SPAG16: variants seen among roughly 807,000 people sequenced by gnomAD.
The protein encoded by SPAG16 is sperm-associated antigen 16 protein.
Under a neutral mutation model 80.4 loss-of-function variants are expected in SPAG16, and 86 were observed. The ratio of observed to expected loss-of-function variants is 1.07; its 90% CI spans 0.90 to 1.28. SPAG16 has a LOEUF of 1.28. SPAG16 is among the 50% of genes most tolerant of loss of function. SPAG16 has a pLI of 0.00. For missense variants in SPAG16, 870 were observed against 765.3 expected, an observed-to-expected ratio of 1.14 and a Z score of -1.61; for synonymous variants, 294 against 265.9, an observed-to-expected ratio of 1.11 and a Z score of -1.03.
chr2:213,794,646 T>C (rs935485551), intron 10 of SPAG16, among the ~76,000 whole-genome samples: 2 of 152,168 alleles, frequency 1.3e-5, no homozygotes, highest in African/African-American at 2.4e-5. Flanking sequence ...TCAGAGAATA[T>C]ACTTGAAATC....
At chr2:213,303,562 C>T (rs994904811) in intron 3 of SPAG16, among the ~76,000 whole-genome samples, 2 of 152,000 alleles carry the variant, frequency 1.3e-5, no homozygotes, top group South Asian at 2.1e-4. Context: ...AATTATTGCT[C>T]TAGACTCTGC....
At chr2:213,677,228 G>T (rs2064130969) in intron 10 of SPAG16, among the ~76,000 whole-genome samples, 1 of 151,598 alleles carries the variant, frequency 6.6e-6, no homozygotes, top group African/African-American at 2.4e-5. Context: ...AAAATAACCA[G>T]CTAACATCAT....
intron 10 of SPAG16, among the ~76,000 whole-genome samples, chr2:213,551,111 T>C (rs966092836): frequency 3.3e-5 from 5 of 152,184 alleles, no homozygotes; most frequent in Admixed American, 1.3e-4. Flanking sequence ...TATTCCTTCT[T>C]TTCTTCTATT....
At chr2:214,352,733 CTT>C (rs1166736142) in intron 15 of SPAG16, among the ~76,000 whole-genome samples, 2 of 151,890 alleles carry the variant, frequency 1.3e-5, no homozygotes, top group African/African-American at 4.8e-5. Context: ...TTTGGTCATT[CTT>C]TTTTTATTTA....
chr2:213,713,838 T>C (rs546383471), intron 10 of SPAG16, among the ~76,000 whole-genome samples: 1 of 152,310 alleles, frequency 6.6e-6, no homozygotes, highest in East Asian at 1.9e-4. Flanking sequence ...TGAACTTTAA[T>C]TGAAATTTTA....
intron 10 of SPAG16, among the ~76,000 whole-genome samples, chr2:213,827,959 G>A (rs1398884519): frequency 4.6e-5 from 7 of 151,968 alleles, no homozygotes; most frequent in Non-Finnish European, 1.0e-4. Flanking sequence ...TTGATCTTTG[G>A]AAGTTTGACT....
chr2:213,702,654 T>C (rs1444740322), intron 10 of SPAG16, among the ~76,000 whole-genome samples: 2 of 152,192 alleles, frequency 1.3e-5, no homozygotes, highest in Non-Finnish European at 2.9e-5. Flanking sequence ...ACTTCCAATA[T>C]ACAACTATCC....
intron 15 of SPAG16, among the ~76,000 whole-genome samples, chr2:214,153,238 C>G (rs2056063700): frequency 6.6e-6 from 1 of 152,088 alleles, no homozygotes; most frequent in African/African-American, 2.4e-5. Flanking sequence ...CTCTGGTGGC[C>G]CTGTCCAGGC....
chr2:214,095,293 A>C (rs1003034318), intron 13 of SPAG16, among the ~76,000 whole-genome samples: 3 of 152,046 alleles, frequency 2.0e-5, no homozygotes, highest in Admixed American at 1.3e-4. Flanking sequence ...CAGAGAAAGC[A>C]GACACACACA....
chr2:213,545,270 G>C (rs1273612087), intron 10 of SPAG16, among the ~76,000 whole-genome samples: 1 of 152,032 alleles, frequency 6.6e-6, no homozygotes, highest in African/African-American at 2.4e-5. Context: ...TATCTTTGGT[G>C]AATCTGTTAA....
chr2:214,116,284 C>G (rs1041218287), intron 14 of SPAG16, among the ~76,000 whole-genome samples: 1 of 152,202 alleles, frequency 6.6e-6, no homozygotes, highest in Non-Finnish European at 1.5e-5. Context: ...CCTCCCTCAG[C>G]TGAGGTTCCA....
chr2:213,563,693 CA>C (rs1398494955), intron 10 of SPAG16, among the ~76,000 whole-genome samples: 4 of 152,196 alleles, frequency 2.6e-5, no homozygotes, highest in African/African-American at 9.6e-5. Context: ...AGAGTTTCAA[CA>C]TGTGAATTTT....
rs564482177 is a variant in SPAG16 at position 213,992,992 on chromosome 2, T to C, written c.1401-20959T>C. ...CATACCAAAAGGATGAACAAAATAC[T>C]TCAAGCAAAACTAACAGCAACATAA... On this transcript the variant is annotated intron_variant, in intron 12 of 15. Coordinates refer to ENST00000331683, the MANE Select transcript of SPAG16 (RefSeq NM_024532.5). Among the ~76,000 whole-genome samples, 22 of 152,302 alleles carry C rather than the reference T, an allele frequency of 1.4e-4. No homozygotes were observed. The South Asian group carries it at 2.9e-3, about 20-fold the overall frequency.
rs552701468 is a variant in SPAG16, at chr2:213,926,384, C to A, written c.1215-3576C>A. On this transcript the variant is annotated intron_variant, in intron 11 of 15. Transcript: ENST00000331683. ...CCAATCTGTAGTCTTTTACCCCTCG[C>A]CCCACTTCCATTCCACCCTTTCCTC... Among the ~76,000 whole-genome samples the A allele has an allele frequency of 5.3e-5, 8 of 152,166 alleles. No homozygotes were observed. The South Asian group carries it at 1.5e-3, about 28-fold the overall frequency.
chr2:213,284,464 G>C lies in SPAG16; in HGVS notation c.-20G>C, dbSNP rs564934930. 2 of 1,554,402 alleles carry C rather than the reference G, an allele frequency of 1.3e-6. No homozygotes were observed. The highest frequency in any genetic ancestry group is 2.7e-5 in the African/African-American group (2 of 73,652). ...GGACGGCTGTGGGCCTGCTGGGGGT[G>C]GGGGCCCGAAGCGCCAGAGATGGCT... is the stretch of plus-strand genomic sequence containing the variant. On this transcript the variant is annotated 5_prime_UTR_variant, in exon 1 of 16. Transcript: ENST00000331683.
At chr2:213,966,862 A>G (rs1437348758) in intron 12 of SPAG16, among the ~76,000 whole-genome samples, 3 of 152,128 alleles carry the variant, frequency 2.0e-5, no homozygotes, top group Admixed American at 6.5e-5. Context: ...TACTCCAGTC[A>G]CCTTTGTTCC....
intron 10 of SPAG16, among the ~76,000 whole-genome samples, chr2:213,582,640 G>A (rs1449012609): frequency 2.0e-5 from 3 of 152,154 alleles, no homozygotes; most frequent in African/African-American, 7.2e-5. Flanking sequence ...CTGTGCGTAG[G>A]ATGGCATGTT....
chr2:213,359,952 T>C (rs527403971), intron 7 of SPAG16, among the ~76,000 whole-genome samples: 1 of 152,294 alleles, frequency 6.6e-6, no homozygotes, highest in African/African-American at 2.4e-5. Context: ...TGATATCTAA[T>C]ATGGAACAGT....
At chr2:213,672,062 A>C (rs1315775126) in intron 10 of SPAG16, among the ~76,000 whole-genome samples, 2 of 152,232 alleles carry the variant, frequency 1.3e-5, no homozygotes, top group Non-Finnish European at 2.9e-5. Context: ...TATAGGAAAT[A>C]GATCCCAGCA....
Sources: gnomAD v4.1 joint callset for allele counts (sites outside exome capture counted in the v4.1 genomes callset) on GRCh38, gnomAD v4.1.1 for gene constraint, MANE v1.5 for transcripts, NCBI Gene and HGNC (gene_info 2026-07-23, HGNC 2026-07-21) for gene names.